GTF2I: variants seen among roughly 807,000 people sequenced by gnomAD.
GTF2I encodes general transcription factor IIi.
Under a neutral mutation model 67.6 loss-of-function variants are expected in GTF2I, and 12 were observed. The ratio of observed to expected loss-of-function variants is 0.18; its 90% CI spans 0.11 to 0.29. The LOEUF is 0.29. GTF2I is among the 10% of genes least tolerant of loss of function. The probability of loss-of-function intolerance (pLI) is 1.00; values close to 1 mark genes in which losing one functional copy is unlikely to be tolerated. For missense variants in GTF2I, 271 were observed against 580.1 expected (o/e 0.47, Z 5.47); for synonymous variants, 149 against 197.0 (o/e 0.76, Z 2.04).
chr7:74,724,415 C>G (rs1199466208), intron 12 of GTF2I, among the ~76,000 whole-genome samples: 2 of 152,120 alleles, frequency 1.3e-5, no homozygotes, highest in Non-Finnish European at 2.9e-5. Context: ...TTTATTGATT[C>G]ACCGGCCAGA....
intron 1 of GTF2I, among the ~76,000 whole-genome samples, chr7:74,669,826 C>T (rs587674725): frequency 4.6e-5 from 7 of 152,198 alleles, no homozygotes; most frequent in South Asian, 2.1e-4. Flanking sequence ...CCACCGTGTC[C>T]GGCCAAGGTG....
intron 1 of GTF2I, among the ~76,000 whole-genome samples, chr7:74,685,860 TG>T (rs1787678833): frequency 6.6e-6 from 1 of 151,164 alleles, no homozygotes; most frequent in African/African-American, 2.4e-5. Flanking sequence ...GATACCATCC[TG>T]GCTAACATGG....
chr7:74,685,287 C>A (rs1034767901), intron 1 of GTF2I, among the ~76,000 whole-genome samples: 13 of 152,144 alleles, frequency 8.5e-5, no homozygotes, highest in African/African-American at 3.1e-4. Flanking sequence ...CTTGAGGTCA[C>A]GAGTTCCAGA....
At chr7:74,723,163 G>A (rs887826722) in intron 12 of GTF2I, among the ~76,000 whole-genome samples, 4 of 137,466 alleles carry the variant, frequency 2.9e-5, no homozygotes, top group Admixed American at 1.7e-4. Flanking sequence ...TCGCTCTGTC[G>A]CCCAGGCTGG....
intron 2 of GTF2I, 121 bp downstream of exon 2, chr7:74,689,348 CTTT>C (rs1162860651): frequency 0.015 from 2,102 of 144,172 alleles, no homozygotes; most frequent in South Asian, 0.028. Context: ...TTTTTCTTTA[CTTT>C]TTTTTTTTTT....
chr7:74,716,694 A>AT (rs1792303106), intron 10 of GTF2I, 200 bp from the exon 11 acceptor site: 1 of 486,800 alleles, frequency 2.1e-6, no homozygotes, highest in Non-Finnish European at 3.7e-6. Flanking sequence ...TTTTCAAATA[A>AT]TTTTTTTAGC....
chr7:74,706,919 C>T (rs587598919), intron 8 of GTF2I, among the ~76,000 whole-genome samples: 11 of 152,290 alleles, frequency 7.2e-5, no homozygotes, highest in East Asian at 3.9e-4. Flanking sequence ...GGCACGACCT[C>T]GGCTCACTGC....
chr7:74,696,045 G>A (rs1449727461), intron 3 of GTF2I, among the ~76,000 whole-genome samples: 1 of 151,184 alleles, frequency 6.6e-6, no homozygotes, highest in African/African-American at 2.4e-5. Flanking sequence ...AGGCTGGAGT[G>A]CAGTGGCGTG....
intron 3 of GTF2I, among the ~76,000 whole-genome samples, chr7:74,697,594 T>G (rs1789060981): frequency 2.0e-5 from 3 of 152,162 alleles, no homozygotes; most frequent in Non-Finnish European, 1.5e-5. Context: ...ATATTTAAAT[T>G]TGTAACCAAT....
intron 3 of GTF2I, among the ~76,000 whole-genome samples, chr7:74,696,248 C>G (rs587685870): frequency 9.9e-4 from 150 of 152,140 alleles, no homozygotes; most frequent in East Asian, 8.7e-3. Flanking sequence ...TCCCAAAGTG[C>G]TAGGATTACC....
chr7:74,676,475 C>A (rs1805917566), intron 1 of GTF2I, among the ~76,000 whole-genome samples: 1 of 151,830 alleles, frequency 6.6e-6, no homozygotes, highest in African/African-American at 2.4e-5. Flanking sequence ...ACAAACAAAC[C>A]AAAACCCTAG....
chr7:74,693,013 C>T (rs587653125), intron 3 of GTF2I, among the ~76,000 whole-genome samples: 101 of 152,178 alleles, frequency 6.6e-4, no homozygotes, highest in African/African-American at 9.1e-4. Context: ...CTGCCCGCCT[C>T]GGCCTCCCAA....
At chr7:74,699,782 G>T (rs1789485119) in intron 4 of GTF2I, 1 of 157,200 alleles carries the variant, frequency 6.4e-6, no homozygotes, top group Non-Finnish European at 1.4e-5. Flanking sequence ...TATGTGTGAG[G>T]CTCGCTGCCC....
intron 1 of GTF2I, among the ~76,000 whole-genome samples, chr7:74,663,411 G>T (rs1257997044): frequency 6.6e-6 from 1 of 152,020 alleles, no homozygotes; most frequent in South Asian, 2.1e-4. Context: ...TTAGCCTCAC[G>T]AGTAGCTGGG....
intron 11 of GTF2I, among the ~76,000 whole-genome samples, chr7:74,718,604 C>T (rs1225385231): frequency 6.6e-6 from 1 of 152,208 alleles, no homozygotes; most frequent in Non-Finnish European, 1.5e-5. Context: ...TTGTCATATC[C>T]TCATTCCTCC....
chr7:74,689,937 G>A (rs1487002198), intron 2 of GTF2I, among the ~76,000 whole-genome samples: 4 of 151,480 alleles, frequency 2.6e-5, no homozygotes, highest in Admixed American at 2.0e-4. Flanking sequence ...CGCGGGTCTC[G>A]AACTCCCGAC....
intron 1 of GTF2I, among the ~76,000 whole-genome samples, chr7:74,659,868 C>T (rs1372121647): frequency 3.3e-5 from 5 of 152,124 alleles, no homozygotes; most frequent in African/African-American, 1.2e-4. Flanking sequence ...TCAACTTTGC[C>T]GCAGACAATG....
intron 1 of GTF2I, among the ~76,000 whole-genome samples, chr7:74,664,270 C>G (rs1804777855): frequency 6.6e-6 from 1 of 152,116 alleles, no homozygotes; most frequent in Non-Finnish European, 1.5e-5. Flanking sequence ...TGTTTGTTTT[C>G]TCCTCTGTAA....
chr7:74,671,983 C>G (rs75505361), intron 1 of GTF2I, among the ~76,000 whole-genome samples: 1 of 144,008 alleles, frequency 6.9e-6, no homozygotes, highest in African/African-American at 2.6e-5. Flanking sequence ...GACCCTGTCT[C>G]AAAAAAAAAA....
Sources: allele counts gnomAD v4.1 joint callset (sites outside exome capture counted in the v4.1 genomes callset), GRCh38; gene constraint gnomAD v4.1.1; transcripts MANE v1.5; gene names NCBI Gene and HGNC (gene_info 2026-07-23, HGNC 2026-07-21).